Variants in ANGPT1 observed in about 807,000 individuals in gnomAD.
ANGPT1 encodes angiopoietin-1.
In ANGPT1, 17 loss-of-function variants were observed where a neutral mutation model predicts 62.2. That is an observed-to-expected ratio of 0.27 (90% CI 0.19 to 0.41). ANGPT1 has a LOEUF of 0.41. ANGPT1 is among the 10% of genes least tolerant of loss of function. The probability of loss-of-function intolerance (pLI) is 1.00; values close to 1 mark genes in which losing one functional copy is unlikely to be tolerated. For missense variants in ANGPT1, 478 were observed against 594.9 expected (o/e 0.80, Z 2.04); for synonymous variants, 199 against 198.9 (o/e 1.00, Z 0.00).
At chr8:107,436,792 C>T (rs912456736) in intron 1 of ANGPT1, among the ~76,000 whole-genome samples, 11 of 152,090 alleles carry the variant, frequency 7.2e-5, no homozygotes, top group African/African-American at 2.4e-4. Flanking sequence ...TTAAAGTGCT[C>T]GTACTGGGAC....
intron 1 of ANGPT1, among the ~76,000 whole-genome samples, chr8:107,473,142 T>C (rs1395569789): frequency 2.0e-5 from 3 of 152,060 alleles, no homozygotes; most frequent in Non-Finnish European, 2.9e-5. Context: ...GGCATAAATA[T>C]GTGTTTGCTT....
At chr8:107,261,788 G>A (rs977782416) in intron 8 of ANGPT1, among the ~76,000 whole-genome samples, 4 of 152,088 alleles carry the variant, frequency 2.6e-5, no homozygotes, top group African/African-American at 7.2e-5. Context: ...TAATATTGGG[G>A]CTGGTATCAT....
At chr8:107,416,482 T>C (rs532638248) in intron 1 of ANGPT1, among the ~76,000 whole-genome samples, 1 of 152,288 alleles carries the variant, frequency 6.6e-6, no homozygotes, top group South Asian at 2.1e-4. Flanking sequence ...TCCAGGCACA[T>C]ATATAAGTTC....
chr8:107,272,598 T>TA (rs1407747918), intron 7 of ANGPT1, among the ~76,000 whole-genome samples: 6 of 151,940 alleles, frequency 3.9e-5, no homozygotes, highest in African/African-American at 1.4e-4. Flanking sequence ...TTTGCAGTGA[T>TA]AGACATGAAG....
At chr8:107,380,337 G>A (rs1816610681) in intron 1 of ANGPT1, among the ~76,000 whole-genome samples, 1 of 146,894 alleles carries the variant, frequency 6.8e-6, no homozygotes, top group African/African-American at 2.5e-5. Context: ...TGTTTATTGA[G>A]CGTTTATCAT....
chr8:107,294,688 A>G (rs1814367116), intron 5 of ANGPT1: 1 of 152,198 alleles, frequency 6.6e-6, no homozygotes, highest in Non-Finnish European at 1.5e-5. Flanking sequence ...TGACTGTGAC[A>G]ATAACTTCTT....
At chr8:107,362,345 A>G (rs1264920568) in intron 1 of ANGPT1, among the ~76,000 whole-genome samples, 1 of 152,222 alleles carries the variant, frequency 6.6e-6, no homozygotes, top group Admixed American at 6.5e-5. Flanking sequence ...CAAGATTGTA[A>G]AAAATATACT....
intron 1 of ANGPT1, among the ~76,000 whole-genome samples, chr8:107,431,067 C>A (rs1322583168): frequency 6.6e-6 from 1 of 152,170 alleles, no homozygotes; most frequent in African/African-American, 2.4e-5. Flanking sequence ...CTCAAAACCT[C>A]ACTCTCCCCT....
In ANGPT1 at chr8:107,276,063, G is replaced by C. The variant is rs189138853; in HGVS notation, c.1205+8619C>G. 6.6e-4 allele frequency among the ~76,000 whole-genome samples: 101 copies of C among 152,248 alleles called. 1 individual carries two copies. Among genetic ancestry groups the C allele is most frequent in the Non-Finnish European group, 1.1e-3 (74 of 68,020 alleles). On this transcript the variant is annotated intron_variant, in intron 7 of 8. Transcript: ENST00000517746. The stretch of plus-strand genomic sequence containing the variant: ...GACCTAAAGAAGGTGCAAAGTGACT[G>C]TAAGAATGTGCTCATCCGTGCCTCT...
chr8:107,430,336 G>A (rs1225591782), intron 1 of ANGPT1, among the ~76,000 whole-genome samples: 1 of 152,042 alleles, frequency 6.6e-6, no homozygotes, highest in Non-Finnish European at 1.5e-5. Context: ...ACCATCCTCG[G>A]GCTAAGTACT....
intron 1 of ANGPT1, among the ~76,000 whole-genome samples, chr8:107,416,424 G>A (rs1039871058): frequency 6.6e-6 from 1 of 152,178 alleles, no homozygotes; most frequent in Non-Finnish European, 1.5e-5. Flanking sequence ...GTCTGGAAGG[G>A]TCCCAAGTGC....
intron 8 of ANGPT1, among the ~76,000 whole-genome samples, chr8:107,258,491 T>C (rs117589417): frequency 0.029 from 4,447 of 152,272 alleles, 100 homozygotes; most frequent in South Asian, 0.063. Context: ...TAATTGGTTA[T>C]TTCTCATCCA....
At chr8:107,262,469 C>CA (rs1225654277) in intron 8 of ANGPT1, among the ~76,000 whole-genome samples, 1 of 152,184 alleles carries the variant, frequency 6.6e-6, no homozygotes, top group African/African-American at 2.4e-5. Flanking sequence ...AGCTGTCATT[C>CA]ATTTTCCTCA....
chr8:107,438,101 C>G (rs1466535564), intron 1 of ANGPT1, among the ~76,000 whole-genome samples: 1 of 152,144 alleles, frequency 6.6e-6, no homozygotes, highest in Admixed American at 6.5e-5. Flanking sequence ...ACAATGTTAC[C>G]CAAGTCTAGG....
intron 1 of ANGPT1, among the ~76,000 whole-genome samples, chr8:107,353,817 T>C (rs923728055): frequency 6.6e-5 from 10 of 152,142 alleles, no homozygotes; most frequent in Non-Finnish European, 1.5e-4. Context: ...GAATGAGTCA[T>C]TTCAATAGAA....
intron 1 of ANGPT1, among the ~76,000 whole-genome samples, chr8:107,353,261 G>A (rs946475408): frequency 6.6e-6 from 1 of 152,166 alleles, no homozygotes; most frequent in Admixed American, 6.5e-5. Context: ...TTTTATAGAT[G>A]TGGTGACTGA....
intron 1 of ANGPT1, among the ~76,000 whole-genome samples, chr8:107,393,026 A>C (rs1300737357): frequency 6.6e-6 from 1 of 152,144 alleles, no homozygotes; most frequent in Non-Finnish European, 1.5e-5. Context: ...GGAGTCTAAC[A>C]ATGGGTAATA....
chr8:107,369,905 A>C (rs1334778731), intron 1 of ANGPT1, among the ~76,000 whole-genome samples: 1 of 152,086 alleles, frequency 6.6e-6, no homozygotes, highest in East Asian at 1.9e-4. Context: ...TGGGAGACCA[A>C]GGTGGGAGGT....
chr8:107,284,263 A>T (rs1305171747), intron 7 of ANGPT1: 1 of 152,470 alleles, frequency 6.6e-6, no homozygotes, highest in East Asian at 1.9e-4. Flanking sequence ...CATCTTCAAG[A>T]TCATTTGAAA....
Sources: gnomAD v4.1 joint callset for allele counts (sites outside exome capture counted in the v4.1 genomes callset) on GRCh38, gnomAD v4.1.1 for gene constraint, MANE v1.5 for transcripts, NCBI Gene and HGNC (gene_info 2026-07-23, HGNC 2026-07-21) for gene names.